Variants in LUZP2 observed in about 807,000 individuals in gnomAD.
The protein encoded by LUZP2 is leucine zipper protein 2.
LUZP2 carries 52 observed loss-of-function variants against 51.6 expected under a neutral mutation model. The observed-to-expected ratio is 1.01, with a 90% CI of 0.81 to 1.27. The LOEUF is 1.27. Among genes scored for constraint, LUZP2 ranks in the 50% most tolerant of loss-of-function variants. The probability of loss-of-function intolerance (pLI) is 0.00; values close to 1 mark genes in which losing one functional copy is unlikely to be tolerated. For synonymous variants in LUZP2, 154 were observed against 137.3 expected, an observed-to-expected ratio of 1.12 and a Z score of -0.85; for missense variants, 436 against 395.4, an observed-to-expected ratio of 1.10 and a Z score of -0.87.
chr11:25,013,481 T>A (rs1857038747), intron 9 of LUZP2, among the ~76,000 whole-genome samples: 1 of 152,210 alleles, frequency 6.6e-6, no homozygotes, highest in African/African-American at 2.4e-5. Context: ...CTTACCCATA[T>A]GCTTACTAGT....
intron 4 of LUZP2, among the ~76,000 whole-genome samples, chr11:24,760,004 T>C (rs1189559730): frequency 1.3e-5 from 2 of 152,110 alleles, no homozygotes; most frequent in African/African-American, 4.8e-5. Context: ...AAGATGTACA[T>C]TGGTTTGGTC....
At chr11:24,777,374 A>C in intron 5 of LUZP2, among the ~76,000 whole-genome samples, 1 of 80,688 alleles carries the variant, frequency 1.2e-5, no homozygotes, top group South Asian at 3.9e-4. Context: ...TGAGAAAAGT[A>C]AATTCATGCG....
chr11:24,731,370 C>CT (rs5790434), intron 2 of LUZP2, among the ~76,000 whole-genome samples: 105,032 of 151,444 alleles, frequency 0.69, 37,602 homozygotes, highest in African/African-American at 0.86. Context: ...TTAGTTTTGA[C>CT]TTTAATGCCA....
At chr11:24,609,056 G>A (rs1375430923) in intron 1 of LUZP2, among the ~76,000 whole-genome samples, 2 of 152,044 alleles carry the variant, frequency 1.3e-5, no homozygotes, top group Non-Finnish European at 2.9e-5. Flanking sequence ...CATCTAGGAG[G>A]GCTCCCTAAC....
At chr11:24,620,568 T>A (rs937280242) in intron 1 of LUZP2, among the ~76,000 whole-genome samples, 1 of 152,210 alleles carries the variant, frequency 6.6e-6, no homozygotes, top group Non-Finnish European at 1.5e-5. Flanking sequence ...ACTGCAAAAG[T>A]GCTTGGAAAA....
intron 5 of LUZP2, among the ~76,000 whole-genome samples, chr11:24,882,443 C>T (rs1451352286): frequency 2.6e-5 from 4 of 152,066 alleles, no homozygotes; most frequent in East Asian, 3.9e-4. Flanking sequence ...AACATTGAAA[C>T]GTCGTTATCA....
At chr11:24,686,127 A>C (rs576303349) in intron 1 of LUZP2, among the ~76,000 whole-genome samples, 1 of 152,006 alleles carries the variant, frequency 6.6e-6, no homozygotes, top group Non-Finnish European at 1.5e-5. Context: ...ATCTTAAGCT[A>C]TATTTTCAGT....
At chr11:24,531,535 A>G (rs918248986) in intron 1 of LUZP2, among the ~76,000 whole-genome samples, 3 of 150,826 alleles carry the variant, frequency 2.0e-5, no homozygotes, top group Non-Finnish European at 4.5e-5. Flanking sequence ...CATTTTTCCT[A>G]TTCAGCTGTA....
At chr11:24,566,886 A>G (rs1415077526) in intron 1 of LUZP2, among the ~76,000 whole-genome samples, 2 of 114,502 alleles carry the variant, frequency 1.7e-5, no homozygotes, top group Non-Finnish European at 3.7e-5. Flanking sequence ...TATAACATAT[A>G]TACATATTTA....
intron 7 of LUZP2, among the ~76,000 whole-genome samples, chr11:24,963,638 G>A (rs905823909): frequency 6.6e-6 from 1 of 152,152 alleles, no homozygotes; most frequent in African/African-American, 2.4e-5. Flanking sequence ...ATTCGGGTGG[G>A]AGTGACCCGA....
rs1343837568 is a variant in LUZP2 at position 24,728,916 on chromosome 11, A to AGACATAGATAGATGTCTATGTCTAT, written c.63-251_63-227dup. Among the ~76,000 whole-genome samples the AGACATAGATAGATGTCTATGTCTAT allele has an allele frequency of 3.9e-5, 6 of 152,090 alleles. 1 individual carries two copies. The highest frequency in any genetic ancestry group is 1.4e-4 in the African/African-American group (6 of 41,540). On this transcript the variant is annotated intron_variant, in intron 1 of 11. Transcript: ENST00000336930. The stretch of plus-strand genomic sequence containing the variant: ...AGGCATGTCTTACATGCAGCAGGGA[A>AGACATAGATAGATGTCTATGTCTAT]GACATAGATAGATGTCTATGTCTAT...
At chr11:24,757,371 C>A (rs1859814358) in intron 4 of LUZP2, among the ~76,000 whole-genome samples, 1 of 151,964 alleles carries the variant, frequency 6.6e-6, no homozygotes, top group Admixed American at 6.6e-5. Flanking sequence ...CAAATAATTT[C>A]TTGTTTAAAA....
chr11:24,936,262 A>G (rs968221768), intron 7 of LUZP2, among the ~76,000 whole-genome samples: 11 of 152,224 alleles, frequency 7.2e-5, no homozygotes, highest in African/African-American at 2.7e-4. Flanking sequence ...ACTAGTGACA[A>G]CACTACCAAT....
At chr11:25,051,524 A>G (rs1858514656) in intron 10 of LUZP2, among the ~76,000 whole-genome samples, 1 of 152,218 alleles carries the variant, frequency 6.6e-6, no homozygotes, top group South Asian at 2.1e-4. Flanking sequence ...AAGCACGGGT[A>G]GGTCTTTGAC....
intron 1 of LUZP2, among the ~76,000 whole-genome samples, chr11:24,632,004 C>T (rs1041963687): frequency 2.0e-5 from 3 of 151,976 alleles, no homozygotes; most frequent in Non-Finnish European, 4.4e-5. Flanking sequence ...GACCCACAAT[C>T]AAAATGTAAT....
At chr11:24,931,037 C>A (rs1854429612) in intron 7 of LUZP2, among the ~76,000 whole-genome samples, 1 of 151,654 alleles carries the variant, frequency 6.6e-6, no homozygotes, top group Non-Finnish European at 1.5e-5. Context: ...CATGGTGAAA[C>A]CTGTCTCTAC....
chr11:24,695,358 A>G (rs893518052), intron 1 of LUZP2, among the ~76,000 whole-genome samples: 3 of 152,076 alleles, frequency 2.0e-5, no homozygotes, highest in Non-Finnish European at 4.4e-5. Context: ...AATTATACAT[A>G]TATATGAGAT....
chr11:24,764,489 C>CAAAAAAAAAAAAA (rs1565124723), intron 5 of LUZP2, among the ~76,000 whole-genome samples: 576 of 56,264 alleles, frequency 0.01, 30 homozygotes, highest in Admixed American at 0.04. Context: ...AATCTCATCT[C>CAAAAAAAAAAAAA]TAAAAAAAAA....
intron 1 of LUZP2, among the ~76,000 whole-genome samples, chr11:24,508,634 G>A (rs1683570656): frequency 6.6e-6 from 1 of 151,970 alleles, no homozygotes; most frequent in South Asian, 2.1e-4. Flanking sequence ...TTATAGCTTG[G>A]TATCTTCTAC....
Sources: allele counts gnomAD v4.1 joint callset (sites outside exome capture counted in the v4.1 genomes callset), GRCh38; gene constraint gnomAD v4.1.1; transcripts MANE v1.5; gene names NCBI Gene and HGNC (gene_info 2026-07-23, HGNC 2026-07-21).